Variants in ADAM12 observed in about 807,000 individuals in gnomAD.
ADAM12 encodes ADAM metallopeptidase domain 12.
Under a neutral mutation model 106.4 loss-of-function variants are expected in ADAM12, and 70 were observed. That is an observed-to-expected ratio of 0.66 (90% CI 0.54 to 0.80). The LOEUF (loss-of-function observed/expected upper bound fraction) is 0.80, where lower values mean the gene tolerates loss of function less well. ADAM12 is among the 30% of genes least tolerant of loss of function. The pLI is 0.00. For missense variants in ADAM12, 1,010 were observed against 1,171.9 expected (o/e 0.86, Z 2.02); for synonymous variants, 420 against 433.5 (o/e 0.97, Z 0.39).
intron 2 of ADAM12, among the ~76,000 whole-genome samples, chr10:126,292,614 G>A (rs1960203446): frequency 6.6e-6 from 1 of 152,150 alleles, no homozygotes; most frequent in South Asian, 2.1e-4. Context: ...CTCTAGAGCA[G>A]GGTTGATGCA....
At chr10:126,035,246 A>G (rs574708941) in intron 21 of ADAM12, among the ~76,000 whole-genome samples, 1 of 152,352 alleles carries the variant, frequency 6.6e-6, no homozygotes, top group Admixed American at 6.5e-5. Context: ...AAATGGTCAT[A>G]CAATCTTTCA....
intron 3 of ADAM12, among the ~76,000 whole-genome samples, chr10:126,227,280 GTCACCATCATCACTATTA>G (rs1565151721): frequency 6.6e-6 from 1 of 151,626 alleles, no homozygotes; most frequent in Non-Finnish European, 1.5e-5. Context: ...CATCATCATC[GTCACCATCATCACTATTA>G]TCACCATCAT....
At chr10:126,166,284 T>C (rs1957021923) in intron 3 of ADAM12, among the ~76,000 whole-genome samples, 2 of 152,174 alleles carry the variant, frequency 1.3e-5, no homozygotes. Context: ...GCAGACTCAG[T>C]GGAGGTCTCT....
At chr10:126,094,826 G>A (rs368333320) in intron 10 of ADAM12, among the ~76,000 whole-genome samples, 3 of 152,106 alleles carry the variant, frequency 2.0e-5, no homozygotes, top group South Asian at 2.1e-4. Flanking sequence ...TGACTCTTGC[G>A]GCTGGGGGTT....
intron 3 of ADAM12, among the ~76,000 whole-genome samples, chr10:126,229,641 T>C (rs1207768938): frequency 1.9e-5 from 2 of 105,638 alleles, no homozygotes; most frequent in African/African-American, 7.9e-5. Context: ...TCTCTTCCTC[T>C]TCCCCCCCAC....
At chr10:126,113,687 A>AATATATATATATAT (rs71309278) in intron 6 of ADAM12, among the ~76,000 whole-genome samples, 2 of 24,136 alleles carry the variant, frequency 8.3e-5, no homozygotes, top group African/African-American at 3.9e-4. Context: ...AAAAAAAAAA[A>AATATATATATATAT]ATATATATAT....
chr10:126,169,470 A>C (rs1957081383), intron 3 of ADAM12, among the ~76,000 whole-genome samples: 1 of 152,228 alleles, frequency 6.6e-6, no homozygotes, highest in Non-Finnish European at 1.5e-5. Flanking sequence ...CTCAATAAAC[A>C]CTTGTAGAAT....
At chr10:126,386,092 A>G (rs7081505) in intron 1 of ADAM12, among the ~76,000 whole-genome samples, 99,287 of 151,872 alleles carry the variant, frequency 0.65, 32,699 homozygotes, top group Admixed American at 0.74. Flanking sequence ...GAGTAAAAAG[A>G]GGGACACAGG....
At chr10:126,378,118 T>C (rs537083886) in intron 1 of ADAM12, among the ~76,000 whole-genome samples, 2 of 152,302 alleles carry the variant, frequency 1.3e-5, no homozygotes, top group Non-Finnish European at 2.9e-5. Context: ...ATATTTAACA[T>C]CCAGCTTGGC....
At chr10:126,042,386 T>A (rs540587379) in intron 18 of ADAM12, 1 of 1,038,766 alleles carries the variant, frequency 9.6e-7, no homozygotes, top group Non-Finnish European at 1.4e-6. Flanking sequence ...TAAGAGCTTC[T>A]TGGGGGACAG....
intron 21 of ADAM12, among the ~76,000 whole-genome samples, chr10:126,027,763 GT>G (rs1953901987): frequency 6.6e-6 from 1 of 152,080 alleles, no homozygotes; most frequent in South Asian, 2.1e-4. Flanking sequence ...TCCTGAATGA[GT>G]AAAAGCTGGA....
chr10:126,042,153 A>C, intron 18 of ADAM12: 1 of 1,613,808 alleles, frequency 6.2e-7, no homozygotes, highest in South Asian at 1.1e-5. Flanking sequence ...TCAGTGAGGC[A>C]GTAGACGCAT....
At chr10:126,087,532 G>T (rs1013869200) in intron 11 of ADAM12, among the ~76,000 whole-genome samples, 1 of 151,928 alleles carries the variant, frequency 6.6e-6, no homozygotes, top group Non-Finnish European at 1.5e-5. Flanking sequence ...CTAACACTTT[G>T]AGGAAGGAAA....
intron 3 of ADAM12, among the ~76,000 whole-genome samples, chr10:126,212,658 CATCTTTAGCCACTG>C (rs1384433595): frequency 6.6e-6 from 1 of 152,144 alleles, no homozygotes; most frequent in Non-Finnish European, 1.5e-5. Context: ...CTAATTTTAT[CATCTTTAGCCACTG>C]ATACAGGTAT....
intron 1 of ADAM12, among the ~76,000 whole-genome samples, chr10:126,355,879 C>A (rs1016143690): frequency 1.6e-4 from 25 of 152,190 alleles, no homozygotes; most frequent in Non-Finnish European, 3.7e-4. Context: ...GCATAGCACA[C>A]CTGCAAAGCC....
intron 5 of ADAM12, among the ~76,000 whole-genome samples, chr10:126,121,746 T>C (rs1299562715): frequency 2.6e-5 from 4 of 151,986 alleles, no homozygotes; most frequent in African/African-American, 9.7e-5. Flanking sequence ...CAGTCATTCA[T>C]CATCCTATGC....
Position 126,093,970 on chromosome 10 carries a change from A to T in ADAM12, c.1145+15T>A. Reference sequence around the variant, plus strand: ...CATGCACACTGTCAAAGCAGATGGAAGCAATGGTACTTGCCCGGTGGAAGC... The same window carrying T: ...CATGCACACTGTCAAAGCAGATGGATGCAATGGTACTTGCCCGGTGGAAGC... On this transcript the variant is annotated intron_variant, in intron 11 of 22. Transcript: ENST00000448723. The T allele has an allele frequency of 6.2e-7, 1 of 1,613,978 alleles. No homozygotes were observed. The highest frequency in any genetic ancestry group is 8.5e-7 in the Non-Finnish European group (1 of 1,179,890).
Position 126,066,891 on chromosome 10 carries a change from A to G in ADAM12, c.1324-85T>C, listed in dbSNP as rs1954882341. The G allele has an allele frequency of 2.3e-6, 3 of 1,321,846 alleles. No homozygotes were observed. Among genetic ancestry groups the G allele is most frequent in the Non-Finnish European group, 3.2e-6 (3 of 933,816 alleles). The allele number at this position is 1,321,846 out of a possible 1,614,324, so 81.9% of individuals were successfully genotyped here. ...CAAACATCACACCTTAAATGGCTGC[A>G]AAAAGCAAGAAAGACCAAGAGGGCC... On this transcript the variant is annotated intron_variant, in intron 12 of 22. Transcript: ENST00000448723. This position sits in a 1 kb window ranked among gnomAD's most constrained non-coding sequence, Gnocchi z 5.1.
At chr10:126,065,348 A>G (rs1954845537) in intron 13 of ADAM12, among the ~76,000 whole-genome samples, 1 of 152,190 alleles carries the variant, frequency 6.6e-6, no homozygotes, top group Admixed American at 6.5e-5. Flanking sequence ...GATTCTTAAG[A>G]AAAAGGTCTC....
Sources: gnomAD v4.1 joint callset for allele counts (sites outside exome capture counted in the v4.1 genomes callset) on GRCh38, gnomAD v4.1.1 for gene constraint, Gnocchi (gnomAD v3.1) non-coding constraint, MANE v1.5 for transcripts, NCBI Gene and HGNC (gene_info 2026-07-23, HGNC 2026-07-21) for gene names.